Variants in SLC9A9 observed in about 807,000 individuals in gnomAD.
SLC9A9 encodes sodium/hydrogen exchanger 9.
Under a neutral mutation model 77.8 loss-of-function variants are expected in SLC9A9, and 62 were observed. That is an observed-to-expected ratio of 0.80 (90% confidence interval 0.65 to 0.98). The LOEUF (loss-of-function observed/expected upper bound fraction) is 0.98. Among genes scored for constraint, SLC9A9 ranks in the 50% least tolerant of loss-of-function variants. The pLI is 0.00. For synonymous variants in SLC9A9, 320 were observed against 283.5 expected, an observed-to-expected ratio of 1.13 and a Z score of -1.29; for missense variants, 775 against 774.9, an observed-to-expected ratio of 1.00 and a Z score of 0.00.
At chr3:143,739,485 A>G (rs1464701635) in intron 4 of SLC9A9, among the ~76,000 whole-genome samples, 1 of 152,232 alleles carries the variant, frequency 6.6e-6, no homozygotes, top group Non-Finnish European at 1.5e-5. Flanking sequence ...AATCTGAGAT[A>G]CTTTTCTATG....
At chr3:143,654,289 A>G (rs2038850126) in intron 5 of SLC9A9, among the ~76,000 whole-genome samples, 1 of 152,238 alleles carries the variant, frequency 6.6e-6, no homozygotes, top group African/African-American at 2.4e-5. Context: ...TAAAGAAGTT[A>G]CTGCAAAATC....
intron 14 of SLC9A9, among the ~76,000 whole-genome samples, chr3:143,334,744 G>A (rs1211477978): frequency 2.6e-5 from 4 of 152,108 alleles, no homozygotes; most frequent in African/African-American, 9.7e-5. Context: ...GGAAAACAGA[G>A]CATTACAACT....
intron 2 of SLC9A9, among the ~76,000 whole-genome samples, chr3:143,823,670 A>T (rs1001531863): frequency 1.3e-5 from 2 of 151,970 alleles, no homozygotes; most frequent in Admixed American, 6.5e-5. Context: ...AAAAAATTAA[A>T]AAATAAATTA....
At chr3:143,822,425 C>T (rs1466405799) in intron 2 of SLC9A9, among the ~76,000 whole-genome samples, 5 of 152,122 alleles carry the variant, frequency 3.3e-5, no homozygotes, top group Non-Finnish European at 5.9e-5. Context: ...TCAGAGCCCA[C>T]TTAGTCCTGT....
intron 6 of SLC9A9, among the ~76,000 whole-genome samples, chr3:143,637,037 A>T (rs1164042068): frequency 6.6e-6 from 1 of 152,234 alleles, no homozygotes; most frequent in Non-Finnish European, 1.5e-5. Context: ...CAGTTTCTCC[A>T]GATGAGAAGG....
intron 13 of SLC9A9, among the ~76,000 whole-genome samples, chr3:143,374,397 C>CCTGGG (rs543267183): frequency 9.7e-4 from 131 of 135,200 alleles, no homozygotes; most frequent in African/African-American, 3.6e-3. Flanking sequence ...TGTACTCCAG[C>CCTGGG]CTGGGAGACA....
At chr3:143,317,957 G>A (rs2031280873) in intron 14 of SLC9A9, among the ~76,000 whole-genome samples, 1 of 152,134 alleles carries the variant, frequency 6.6e-6, no homozygotes, top group Non-Finnish European at 1.5e-5. Context: ...TCGATCTCCT[G>A]ACCTCATGAT....
intron 2 of SLC9A9, among the ~76,000 whole-genome samples, chr3:143,820,585 T>C (rs1326371948): frequency 1.3e-5 from 2 of 152,172 alleles, no homozygotes; most frequent in Non-Finnish European, 2.9e-5. Flanking sequence ...GTTGCCCTAC[T>C]ACCCCTCACT....
In SLC9A9 at chr3:143,265,708, C is replaced by T; in HGVS notation, c.*994G>A. On this transcript the variant is annotated 3_prime_UTR_variant, in exon 16 of 16. Transcript: ENST00000316549. Reference sequence around the variant, plus strand: ...CGCCTTGTAAGGGGGAGACCTGAGGCCCTGTCCTTGGCTCCTCAGTGTAAC... The same window carrying T: ...CGCCTTGTAAGGGGGAGACCTGAGGTCCTGTCCTTGGCTCCTCAGTGTAAC... The T allele has an allele frequency of 2.4e-6, 1 of 419,952 alleles. No homozygotes were observed. The highest frequency in any genetic ancestry group is 4.2e-6 in the Non-Finnish European group (1 of 240,054). The allele number at this position is 419,952 out of a possible 1,614,324, so 26.0% of individuals were successfully genotyped here. A position where few individuals can be genotyped will look rare whatever the true frequency, so the allele number is the denominator to read the frequency against.
Position 143,266,172 on chromosome 3 carries a change from C to G in SLC9A9, c.*530G>C. The G allele has an allele frequency of 1.4e-6, 1 of 698,734 alleles. No individual in the cohort carries two copies. The highest frequency in any genetic ancestry group is 2.6e-6 in the Non-Finnish European group (1 of 383,312). The allele number at this position is 698,734 out of a possible 1,614,324, so 43.3% of individuals were successfully genotyped here. Reference sequence around the variant, plus strand: ...AACCATCAGCAGTGGGTACGGAACACTTCTCTGGGCTCTGCCCTGGGGTCA... The same window carrying G: ...AACCATCAGCAGTGGGTACGGAACAGTTCTCTGGGCTCTGCCCTGGGGTCA... On this transcript the variant is annotated 3_prime_UTR_variant, in exon 16 of 16. Coordinates refer to ENST00000316549, the MANE Select transcript of SLC9A9 (RefSeq NM_173653.4).
chr3:143,546,922 T>A (rs1402496079), intron 9 of SLC9A9, among the ~76,000 whole-genome samples: 4 of 152,206 alleles, frequency 2.6e-5, no homozygotes, highest in Non-Finnish European at 5.9e-5. Context: ...GTTTCCAATT[T>A]CTTTCCTCTT....
intron 12 of SLC9A9, among the ~76,000 whole-genome samples, chr3:143,400,250 CT>C (rs1477036534): frequency 6.6e-6 from 1 of 152,044 alleles, no homozygotes; most frequent in African/African-American, 2.4e-5. Flanking sequence ...ATGTTATTTG[CT>C]GTCATTGGGG....
chr3:143,572,083 T>G (rs960361479), intron 8 of SLC9A9, among the ~76,000 whole-genome samples: 3 of 152,134 alleles, frequency 2.0e-5, no homozygotes, highest in African/African-American at 4.8e-5. Flanking sequence ...TATTCACCCA[T>G]CCCATGATGC....
At position 143,578,831 on chromosome 3, in the gene SLC9A9, C is replaced by G. The variant is rs1013203701; in HGVS notation, c.756-108G>C. On this transcript the variant is annotated intron_variant, in intron 6 of 15. Transcript: ENST00000316549. Reference sequence around the variant, plus strand: ...GTATCTTTCCCTGTAATGTTGGGTGCTGGTTGGAAGAGTTAGGGGAAAACA... The same window carrying G: ...GTATCTTTCCCTGTAATGTTGGGTGGTGGTTGGAAGAGTTAGGGGAAAACA... The G allele has an allele frequency of 5.9e-6, 8 of 1,359,780 alleles. No individual in the cohort carries two copies. In the Admixed American group the frequency reaches 1.0e-4, roughly 17 times the overall value. 84.2% of individuals were successfully genotyped at this position (1,359,780 alleles called of 1,614,324 possible).
In SLC9A9 at chr3:143,439,476, C is replaced by T. The variant is rs78384727; in HGVS notation, c.1469+27561G>A. ...GGAAAGGACCGTGGAGAAGAAGTCA[C>T]CACACTGAGCACCAGGTAGAAGGCA... On this transcript the variant is annotated intron_variant, in intron 12 of 15. Transcript: ENST00000316549. 9.3e-3 allele frequency among the ~76,000 whole-genome samples: 1,419 copies of T among 152,206 alleles called. 23 individuals carry two copies. The highest frequency in any genetic ancestry group is 0.032 in the African/African-American group (1,340 of 41,514).
chr3:143,553,638 T>C (rs2036930433), intron 8 of SLC9A9, among the ~76,000 whole-genome samples: 1 of 152,228 alleles, frequency 6.6e-6, no homozygotes. Flanking sequence ...ATTTTTCAGG[T>C]CAGCATTGGA....
chr3:143,576,780 A>G (rs2037366906), intron 7 of SLC9A9, among the ~76,000 whole-genome samples: 1 of 152,198 alleles, frequency 6.6e-6, no homozygotes, highest in Admixed American at 6.5e-5. Context: ...TGAGACACTC[A>G]TGGAAAACAC....
intron 5 of SLC9A9, among the ~76,000 whole-genome samples, chr3:143,684,944 G>T (rs189089438): frequency 1.2e-3 from 189 of 152,128 alleles, no homozygotes; most frequent in African/African-American, 4.2e-3. Flanking sequence ...GTGGTGCATT[G>T]TATCTGTAAT....
chr3:143,462,940 C>G lies in SLC9A9; in HGVS notation c.1469+4097G>C, dbSNP rs534578396. Among the ~76,000 whole-genome samples the G allele has an allele frequency of 2.0e-5, 3 of 152,258 alleles. No individual in the cohort carries two copies. In the South Asian group the frequency reaches 6.2e-4, roughly 32 times the overall value. ...CTGGCGGTGGTGTAACCATGGGCCA[C>G]GGTGGCAGTTGTCAACCACCCTGGG... On this transcript the variant is annotated intron_variant, in intron 12 of 15. Transcript: ENST00000316549.
Sources: allele counts gnomAD v4.1 joint callset (sites outside exome capture counted in the v4.1 genomes callset), GRCh38; gene constraint gnomAD v4.1.1; transcripts MANE v1.5; gene names NCBI Gene and HGNC (gene_info 2026-07-23, HGNC 2026-07-21).